Variants in THSD7B observed in about 807,000 individuals in gnomAD.
THSD7B encodes the protein thrombospondin type-1 domain-containing protein 7B.
A neutral mutation model predicts 213.6 loss-of-function variants in THSD7B; 138 were observed. That is an observed-to-expected ratio of 0.65 (90% CI 0.56 to 0.74). THSD7B has a LOEUF of 0.74. Ranked by LOEUF, THSD7B falls within the 30% of genes least tolerant of loss-of-function variation. THSD7B has a pLI of 0.00. For missense variants in THSD7B, 1,931 were observed against 1,991.5 expected (o/e 0.97, Z 0.58); for synonymous variants, 742 against 687.0 (o/e 1.08, Z -1.25).
At chr2:137,544,210 A>G (rs1362505949) in intron 15 of THSD7B, among the ~76,000 whole-genome samples, 2 of 151,774 alleles carry the variant, frequency 1.3e-5, no homozygotes, top group East Asian at 1.9e-4. Context: ...CAAAATGTCC[A>G]TCAAATAAAG....
intron 21 of THSD7B, among the ~76,000 whole-genome samples, chr2:137,644,972 GC>G (rs2104864823): frequency 6.6e-6 from 1 of 152,240 alleles, no homozygotes; most frequent in South Asian, 2.1e-4. Flanking sequence ...AAGTTTCTCA[GC>G]TGCTAACACA....
intron 11 of THSD7B, among the ~76,000 whole-genome samples, chr2:137,275,405 C>T (rs72852226): frequency 0.097 from 14,673 of 152,036 alleles, 855 homozygotes; most frequent in Non-Finnish European, 0.13. Flanking sequence ...AAGGTCTGTA[C>T]CTCAAGCTTA....
chr2:137,211,014 A>G (rs766290006), intron 7 of THSD7B, among the ~76,000 whole-genome samples: 10 of 152,010 alleles, frequency 6.6e-5, no homozygotes, highest in South Asian at 2.1e-4. Flanking sequence ...TTGCAGGAAC[A>G]TTAACTATTC....
intron 2 of THSD7B, among the ~76,000 whole-genome samples, chr2:136,902,510 GC>G (rs1684079965): frequency 6.6e-6 from 1 of 152,154 alleles, no homozygotes; most frequent in African/African-American, 2.4e-5. Context: ...TGGGCCATGC[GC>G]CCTCTGAGTC....
chr2:137,178,015 G>C, intron 7 of THSD7B, among the ~76,000 whole-genome samples: 1 of 145,636 alleles, frequency 6.9e-6, no homozygotes, highest in East Asian at 2.0e-4. Context: ...AGGTTGCAGT[G>C]AGCCAAGATT....
intron 5 of THSD7B, among the ~76,000 whole-genome samples, chr2:137,135,622 A>C (rs1265283281): frequency 6.6e-6 from 1 of 152,114 alleles, no homozygotes; most frequent in African/African-American, 2.4e-5. Flanking sequence ...TCAGCTCTCT[A>C]TGTCTGTCAC....
chr2:136,837,092 A>G (rs1274337307), intron 1 of THSD7B, among the ~76,000 whole-genome samples: 1 of 151,998 alleles, frequency 6.6e-6, no homozygotes, highest in South Asian at 2.1e-4. Context: ...TTTCCCAAAG[A>G]TCTCTCTGTG....
chr2:137,584,815 T>A (rs1362090249), intron 17 of THSD7B, among the ~76,000 whole-genome samples: 1 of 152,210 alleles, frequency 6.6e-6, no homozygotes, highest in Non-Finnish European at 1.5e-5. Context: ...GTTGTGTCTC[T>A]GTCAGGCTTT....
At chr2:137,597,357 A>T (rs2104819385) in intron 17 of THSD7B, among the ~76,000 whole-genome samples, 1 of 152,112 alleles carries the variant, frequency 6.6e-6, no homozygotes. Flanking sequence ...GTGCTTGGAA[A>T]TAGGATTCTT....
At position 137,115,267 on chromosome 2, in the gene THSD7B, C is replaced by G; in HGVS notation, c.1343C>G (p.Ala448Gly). 1.3e-6 allele frequency: 2 copies of G among 1,596,896 alleles called. No homozygotes were observed. Among genetic ancestry groups the G allele is most frequent in the Non-Finnish European group, 1.7e-6 (2 of 1,172,202 alleles). The change falls in exon 5 of 28, where the codon GCA becomes GGA. Residue 448 changes from alanine to glycine, a missense_variant. Coordinates refer to ENST00000409968, the MANE Select transcript of THSD7B (RefSeq NM_001316349.2). The part of the protein sequence containing the change: ...REVYCAQSVP[A>G]AAALRAKEVS... ...GTGTACTGTGCCCAGAGCGTACCAGCAGCTGCCGCACTGAGGGCCAAGGAA... is the reference window on the plus strand; with the variant it reads ...GTGTACTGTGCCCAGAGCGTACCAGGAGCTGCCGCACTGAGGGCCAAGGAA...
intron 6 of THSD7B, among the ~76,000 whole-genome samples, chr2:137,167,837 C>G (rs190432729): frequency 6.6e-6 from 1 of 152,306 alleles, no homozygotes; most frequent in African/African-American, 2.4e-5. Flanking sequence ...AATCTACTCA[C>G]CTTTAGTACC....
intron 1 of THSD7B, among the ~76,000 whole-genome samples, chr2:136,798,419 G>T (rs1291093478): frequency 6.6e-6 from 1 of 151,890 alleles, no homozygotes; most frequent in African/African-American, 2.4e-5. Context: ...ATTTTGAAGG[G>T]AGCGATTATG....
chr2:137,339,106 TC>T (rs957571640), intron 12 of THSD7B, among the ~76,000 whole-genome samples: 2 of 151,912 alleles, frequency 1.3e-5, no homozygotes, highest in Non-Finnish European at 2.9e-5. Flanking sequence ...TACATTTTTT[TC>T]TGAATAAATA....
intron 15 of THSD7B, among the ~76,000 whole-genome samples, chr2:137,513,827 C>T (rs1203881437): frequency 6.6e-6 from 1 of 152,146 alleles, no homozygotes; most frequent in African/African-American, 2.4e-5. Context: ...TCTCTATGAA[C>T]AAAGCCTGAG....
chr2:136,940,863 G>T (rs529463998), intron 2 of THSD7B, among the ~76,000 whole-genome samples: 100 of 132,096 alleles, frequency 7.6e-4, no homozygotes, highest in East Asian at 6.3e-3. Context: ...ATTCTTAGTT[G>T]TTTTTTTTTT....
chr2:137,151,049 G>A (rs766172130), intron 5 of THSD7B, among the ~76,000 whole-genome samples: 85 of 152,216 alleles, frequency 5.6e-4, no homozygotes, highest in Non-Finnish European at 9.4e-4. Flanking sequence ...GAGTATGAAG[G>A]CCTAGGATGT....
intron 15 of THSD7B, among the ~76,000 whole-genome samples, chr2:137,522,665 A>G (rs1680207293): frequency 6.6e-6 from 1 of 152,072 alleles, no homozygotes; most frequent in Non-Finnish European, 1.5e-5. Context: ...TATTTTATTG[A>G]CATTGTCATA....
chr2:137,271,515 A>AT (rs1682740062), intron 10 of THSD7B, among the ~76,000 whole-genome samples: 1 of 146,848 alleles, frequency 6.8e-6, no homozygotes, highest in African/African-American at 2.5e-5. Context: ...TATATATATG[A>AT]TTTTTTTTCT....
chr2:137,407,480 T>A (rs1261004944), intron 13 of THSD7B, among the ~76,000 whole-genome samples: 1 of 152,168 alleles, frequency 6.6e-6, no homozygotes. Flanking sequence ...TTAATATCAC[T>A]GTTGGAAAAA....
Sources: allele counts gnomAD v4.1 joint callset (sites outside exome capture counted in the v4.1 genomes callset), GRCh38; gene constraint gnomAD v4.1.1; transcripts MANE v1.5; gene names NCBI Gene and HGNC (gene_info 2026-07-23, HGNC 2026-07-21).